The following MMS22L variants were observed in gnomAD, a reference collection of about 807,000 sequenced individuals.
MMS22L encodes the protein protein MMS22-like.
MMS22L carries 74 observed loss-of-function variants against 159.1 expected under a neutral mutation model. That is an observed-to-expected ratio of 0.47 (90% confidence interval 0.39 to 0.56). MMS22L has a LOEUF of 0.56. Among genes scored for constraint, MMS22L ranks in the 20% least tolerant of loss-of-function variants. The pLI is 0.00. For missense variants in MMS22L, 1,351 were observed against 1,422.1 expected (o/e 0.95, Z 0.80); for synonymous variants, 517 against 506.9 (o/e 1.02, Z -0.27).
At chr6:97,157,930 T>C (rs540236509) in intron 22 of MMS22L, among the ~76,000 whole-genome samples, 163 of 152,092 alleles carry the variant, frequency 1.1e-3, no homozygotes, top group Non-Finnish European at 2.1e-3. Context: ...TAGAAATCAG[T>C]TGTGAATCTG....
intron 14 of MMS22L, among the ~76,000 whole-genome samples, chr6:97,211,654 T>C (rs1419616482): frequency 6.6e-6 from 1 of 152,140 alleles, no homozygotes; most frequent in Non-Finnish European, 1.5e-5. Context: ...TATTAAAATA[T>C]TCTTCTGACA....
At chr6:97,277,929 C>T (rs76924798) in intron 4 of MMS22L, among the ~76,000 whole-genome samples, 150 of 152,274 alleles carry the variant, frequency 9.9e-4, no homozygotes, top group African/African-American at 3.4e-3. Context: ...ATGGTAGACA[C>T]TGTGTTAAGC....
At chr6:97,156,104 A>C (rs903368735) in intron 22 of MMS22L, among the ~76,000 whole-genome samples, 51 of 152,122 alleles carry the variant, frequency 3.4e-4, no homozygotes, top group African/African-American at 1.1e-3. Flanking sequence ...TTTTTTCGTA[A>C]GTTTTTTGGC....
chr6:97,148,639 A>G (rs1178538413), intron 24 of MMS22L, among the ~76,000 whole-genome samples: 1 of 152,090 alleles, frequency 6.6e-6, no homozygotes, highest in Non-Finnish European at 1.5e-5. Context: ...ATTTTTGTAC[A>G]GCTATACAAT....
intron 11 of MMS22L, among the ~76,000 whole-genome samples, chr6:97,242,504 G>C (rs532031479): frequency 1.3e-5 from 2 of 152,200 alleles, no homozygotes; most frequent in South Asian, 4.1e-4. Context: ...AAGTCTCTTG[G>C]AGACAGCAGA....
intron 24 of MMS22L, 21 bp from the exon 25 acceptor site, chr6:97,146,908 G>T: frequency 6.9e-7 from 1 of 1,443,384 alleles, no homozygotes; most frequent in Non-Finnish European, 9.4e-7. Flanking sequence ...AAAAAGAAAA[G>T]AAAGCAAATA....
intron 14 of MMS22L, among the ~76,000 whole-genome samples, chr6:97,198,229 G>A (rs1806756460): frequency 6.6e-6 from 1 of 152,166 alleles, no homozygotes; most frequent in Non-Finnish European, 1.5e-5. Context: ...TTCCAGCTAA[G>A]CTTGTCCACC....
rs1379106948 is a variant in MMS22L, at chr6:97,282,444, T to A, written c.34A>T (p.Thr12Ser). 3.1e-6 allele frequency: 5 copies of A among 1,613,762 alleles called. No homozygotes were observed. The highest frequency in any genetic ancestry group is 3.4e-6 in the Non-Finnish European group (4 of 1,179,930). Residue 12 changes from threonine (T) to serine (S), a missense_variant, in exon 2 of 25, where the codon ACT (threonine) becomes TCT (serine). Thr to Ser is a moderately conservative substitution (Grantham distance 58). Coordinates refer to ENST00000683635, the MANE Select transcript of MMS22L (RefSeq NM_001350599.2). ...CCCAGCTCCAGCTCTAAGCTGTCAG[T>A]CAGGAACGTCGATGCAGCAGAACAG... ...ENCSAASTFL[T>S]DSLELELGTE...
chr6:97,238,158 A>T (rs1811607935), intron 11 of MMS22L, among the ~76,000 whole-genome samples: 1 of 152,220 alleles, frequency 6.6e-6, no homozygotes, highest in Non-Finnish European at 1.5e-5. Flanking sequence ...GTAAAAGTAT[A>T]AAACGGAAAC....
At chr6:97,278,743 T>G (rs1393149065) in intron 4 of MMS22L, 106 bp downstream of exon 4, 1 of 837,848 alleles carries the variant, frequency 1.2e-6, no homozygotes, top group East Asian at 2.8e-5. Context: ...GGCCTAATGC[T>G]TCCTCTGTAT....
chr6:97,151,325 C>T (rs72932685), intron 23 of MMS22L, among the ~76,000 whole-genome samples: 3 of 152,298 alleles, frequency 2.0e-5, no homozygotes, highest in Non-Finnish European at 4.4e-5. Context: ...CAACTGCCTA[C>T]AGCATTCAGT....
chr6:97,192,088 C>T (rs1805927919), intron 14 of MMS22L, among the ~76,000 whole-genome samples: 1 of 152,100 alleles, frequency 6.6e-6, no homozygotes, highest in Non-Finnish European at 1.5e-5. Context: ...GCACACTTTG[C>T]AATGCCTCCA....
intron 11 of MMS22L, among the ~76,000 whole-genome samples, chr6:97,244,975 G>A (rs1039503090): frequency 6.6e-6 from 1 of 152,014 alleles, no homozygotes; most frequent in African/African-American, 2.4e-5. Context: ...CAGAGAAGTG[G>A]GGGAAAGCTG....
At chr6:97,179,629 G>T in intron 16 of MMS22L, 70 bp from the exon 17 acceptor site, 1 of 1,382,472 alleles carries the variant, frequency 7.2e-7, no homozygotes, top group Non-Finnish European at 9.6e-7. Flanking sequence ...AAGAAGTAAA[G>T]AAAAACATTC....
At chr6:97,263,518 A>G in intron 8 of MMS22L, 70 bp from the exon 9 acceptor site, 1 of 671,490 alleles carries the variant, frequency 1.5e-6, no homozygotes, top group Non-Finnish European at 2.4e-6. Flanking sequence ...ATATCTTTCA[A>G]ATACTTTTAA....
In MMS22L at chr6:97,181,961, T is replaced by C. The variant is rs1023679644; in HGVS notation, c.2327A>G (p.Asp776Gly). The C allele has an allele frequency of 2.5e-6, 4 of 1,613,592 alleles. No individual in the cohort carries two copies. Among genetic ancestry groups the C allele is most frequent in the South Asian group, 2.2e-5 (2 of 91,030 alleles). ...TACAACTTGAGGGCAGATGATATCATCCCAACCAAAAAGTTGAATAATTGA... is the reference window on the plus strand; with the variant it reads ...TACAACTTGAGGGCAGATGATATCACCCCAACCAAAAAGTTGAATAATTGA... ...VISIIQLFGW[D>G]DIICPQVVAR... The change falls in exon 16 of 25, where the codon GAT becomes GGT. Residue 776 changes from aspartate (D) to glycine (G), a missense_variant. By Grantham distance (94) the Asp-to-Gly change is moderately conservative. Transcript: ENST00000683635.
At chr6:97,155,979 C>T (rs1801795909) in intron 22 of MMS22L, among the ~76,000 whole-genome samples, 1 of 152,182 alleles carries the variant, frequency 6.6e-6, no homozygotes, top group Non-Finnish European at 1.5e-5. Flanking sequence ...TCTCCACATC[C>T]TCTCCAGCAT....
At chr6:97,255,154 T>C (rs192134879) in intron 9 of MMS22L, among the ~76,000 whole-genome samples, 1 of 152,298 alleles carries the variant, frequency 6.6e-6, no homozygotes, top group East Asian at 1.9e-4. Context: ...AACTCATCTA[T>C]ATTAATGAAA....
chr6:97,162,698 G>T (rs1802571251), intron 21 of MMS22L, among the ~76,000 whole-genome samples: 1 of 151,946 alleles, frequency 6.6e-6, no homozygotes, highest in African/African-American at 2.4e-5. Context: ...AAGACTCAGA[G>T]AACTAATTTA....
Sources: gnomAD v4.1 joint callset for allele counts (sites outside exome capture counted in the v4.1 genomes callset) on GRCh38, gnomAD v4.1.1 for gene constraint, MANE v1.5 for transcripts, NCBI Gene and HGNC (gene_info 2026-07-23, HGNC 2026-07-21) for gene names.